The following NCOR2 variants were observed in gnomAD, a reference collection of about 807,000 sequenced individuals.
The protein encoded by NCOR2 is CTG repeat protein 26.
NCOR2 carries 81 observed loss-of-function variants against 262.9 expected under a neutral mutation model. The ratio of observed to expected loss-of-function variants is 0.31; its 90% confidence interval spans 0.26 to 0.37. NCOR2 has a LOEUF of 0.37. Ranked by LOEUF, NCOR2 falls within the 10% of genes least tolerant of loss-of-function variation. The probability of loss-of-function intolerance (pLI) is 1.00; values close to 1 mark genes in which losing one functional copy is unlikely to be tolerated. For missense variants in NCOR2, 3,385 were observed against 3,621.4 expected (o/e 0.93, Z 1.68); for synonymous variants, 1,659 against 1,559.3 (o/e 1.06, Z -1.51).
chr12:124,343,622 C>T (rs1027316566), intron 32 of NCOR2, among the ~76,000 whole-genome samples: 51 of 61,902 alleles, frequency 8.2e-4, no homozygotes, highest in African/African-American at 2.7e-3. Context: ...AGAAAATTTT[C>T]TTTCATTTTT....
chr12:124,330,612 G>A (rs1179326162), intron 44 of NCOR2, among the ~76,000 whole-genome samples: 1 of 152,196 alleles, frequency 6.6e-6, no homozygotes, highest in Non-Finnish European at 1.5e-5. Context: ...ACCACCCGAG[G>A]GGATCTTAAC....
At chr12:124,494,483 G>A (rs1258081445) in intron 1 of NCOR2, among the ~76,000 whole-genome samples, 3 of 152,210 alleles carry the variant, frequency 2.0e-5, no homozygotes, top group East Asian at 1.9e-4. Flanking sequence ...TGGGGCCCCC[G>A]CTGGGAAGTG....
chr12:124,354,311 C>T lies in NCOR2; in HGVS notation c.3590-115G>A, dbSNP rs146816252. On this transcript the variant is annotated intron_variant, in intron 26 of 46. Transcript: ENST00000405201. Reference sequence around the variant, plus strand: ...CCACAAGTTGTGCTAGTTGTTTCAACGCAGAGGGAGTCCCCCTACCCCTAA... The same window carrying T: ...CCACAAGTTGTGCTAGTTGTTTCAATGCAGAGGGAGTCCCCCTACCCCTAA... 134 of 1,238,730 alleles carry T rather than the reference C, an allele frequency of 1.1e-4. No homozygotes were observed. In the East Asian group the frequency reaches 2.9e-3, roughly 27 times the overall value. 76.7% of individuals were successfully genotyped at this position (1,238,730 alleles called of 1,614,324 possible).
chr12:124,379,643 T>A (rs2040270263), intron 17 of NCOR2, among the ~76,000 whole-genome samples: 1 of 152,104 alleles, frequency 6.6e-6, no homozygotes. Context: ...CACCTGGAGG[T>A]GCCCGCAGCT....
At chr12:124,460,807 C>A (rs766170759) in intron 5 of NCOR2, among the ~76,000 whole-genome samples, 1 of 152,262 alleles carries the variant, frequency 6.6e-6, no homozygotes, top group Non-Finnish European at 1.5e-5. Context: ...CTAGAACATT[C>A]CCCAACCCCA....
intron 32 of NCOR2, 58 bp downstream of exon 34, chr12:124,344,539 G>A: frequency 7.3e-7 from 1 of 1,373,878 alleles, no homozygotes; most frequent in Non-Finnish European, 9.6e-7. Flanking sequence ...TGGATGGGGA[G>A]GCACAGCTTC....
Position 124,340,653 on chromosome 12 carries a change from TG to T in NCOR2, c.5286del (p.Thr1763ProfsTer23). ...CGGCTGCTGAAGGGCTGGGGCGCGG[TG>T]GGGAGGTAGGCAAGGCGGTCCATGG... On this transcript the variant is annotated frameshift_variant, in exon 35 of 47. Transcript: ENST00000405201. LOFTEE classifies it high-confidence loss of function. 6.7e-7 allele frequency: 1 copy of T among 1,492,192 alleles called. No homozygotes were observed. 92.4% of individuals were successfully genotyped at this position (1,492,192 alleles called of 1,614,324 possible). A position where few individuals can be genotyped will look rare whatever the true frequency, so the allele number is the denominator to read the frequency against.
chr12:124,343,864 G>A (rs1203109193), intron 32 of NCOR2, among the ~76,000 whole-genome samples: 2 of 152,156 alleles, frequency 1.3e-5, no homozygotes, highest in East Asian at 1.9e-4. Flanking sequence ...CTGACCTCAG[G>A]TGATCTGCCT....
rs866049657 is a variant in NCOR2 at position 124,481,189 on chromosome 12, G to A, written c.411+2407C>T. The stretch of plus-strand genomic sequence containing the variant: ...GGAGGGAGGAAGGTGTAGAAGGAGA[G>A]AAGGAAGGGGAGGAAGGGCAGGAAG... On this transcript the variant is annotated intron_variant, in intron 3 of 46. Transcript: ENST00000405201. This position sits in a 1 kb window ranked among gnomAD's most constrained non-coding sequence, Gnocchi z 4.6. Among the ~76,000 whole-genome samples the A allele has an allele frequency of 1.3e-5, 2 of 151,824 alleles. No individual in the cohort carries two copies. Among genetic ancestry groups the A allele is most frequent in the African/African-American group, 4.8e-5 (2 of 41,322 alleles).
At chr12:124,426,798 G>A in exon 11 of NCOR2, 2 of 1,575,310 alleles carry the variant, frequency 1.3e-6, no homozygotes, top group South Asian at 2.3e-5. Context: ...GCTTCTCCAG[G>A]TTCTGCAGGG....
In NCOR2 at chr12:124,334,479, G is replaced by A. The variant is rs766718171; in HGVS notation, c.6550C>T (p.Pro2184Ser). ...CGGGCCGGGGCACCATGGTCCGGGG[G>A]CGGGAGGTAGAGGTCACTGGGTGGG... Residue 2184 changes from proline to serine, a missense_variant, in exon 41 of 47, where the codon CCC becomes TCC. This residue lies in a region of NCOR2 where 1,017 missense variants were observed against 967.2 expected (regional missense o/e 1.05). Transcript: ENST00000405201. 6.8e-6 allele frequency: 10 copies of A among 1,467,432 alleles called. No individual in the cohort carries two copies. The highest frequency in any genetic ancestry group is 8.1e-6 in the Non-Finnish European group (9 of 1,108,802). The allele number at this position is 1,467,432 out of a possible 1,614,324, so 90.9% of individuals were successfully genotyped here.
chr12:124,387,076 A>C (rs2040859460), intron 16 of NCOR2, among the ~76,000 whole-genome samples: 1 of 152,264 alleles, frequency 6.6e-6, no homozygotes, highest in African/African-American at 2.4e-5. Flanking sequence ...ACTTTAATGA[A>C]GGATTTCCCA....
chr12:124,466,324 A>G (rs1307590762), intron 4 of NCOR2, 38 bp from the exon 7 acceptor site: 2 of 1,580,546 alleles, frequency 1.3e-6, no homozygotes, highest in African/African-American at 1.4e-5. Flanking sequence ...TGAGCACCCC[A>G]GCGGGCGGAA....
At position 124,358,765 on chromosome 12, in the gene NCOR2, G is replaced by A. The variant is rs138612100; in HGVS notation, c.3101-1983C>T. Among the ~76,000 whole-genome samples, 804 of 144,974 alleles carry A rather than the reference G, an allele frequency of 5.5e-3. 8 individuals carry two copies. The highest frequency in any genetic ancestry group is 0.019 in the African/African-American group (731 of 38,670). Reference sequence around the variant, plus strand: ...GCTCAGGCAGGGCTACTTACCAGGCGGAGTGTGCAAAGGGCATTACCGAGA... The same window carrying A: ...GCTCAGGCAGGGCTACTTACCAGGCAGAGTGTGCAAAGGGCATTACCGAGA... On this transcript the variant is annotated intron_variant, in intron 22 of 46. Transcript: ENST00000405201.
chr12:124,561,585 T>G (rs1365980800), intron 1 of NCOR2, among the ~76,000 whole-genome samples: 1 of 151,196 alleles, frequency 6.6e-6, no homozygotes, highest in South Asian at 2.1e-4. Flanking sequence ...GAGTGAGATG[T>G]GGGAAGAGGA....
At chr12:124,562,711 C>T (rs2052111866) in intron 1 of NCOR2, among the ~76,000 whole-genome samples, 1 of 152,212 alleles carries the variant, frequency 6.6e-6, no homozygotes, top group South Asian at 2.1e-4. Context: ...CAAAGGGCAA[C>T]AAGCCGAAGC....
Position 124,549,320 on chromosome 12 carries a change from C to T in NCOR2, c.-164-13709G>A, listed in dbSNP as rs1594056041. 6.6e-6 allele frequency among the ~76,000 whole-genome samples: 1 copy of T among 152,156 alleles called. No homozygotes were observed. The highest frequency in any genetic ancestry group is 2.4e-5 in the African/African-American group (1 of 41,422). On this transcript the variant is annotated intron_variant, in intron 1 of 32. Coordinates refer to the NCOR2 transcript ENST00000458234. This position sits in a 1 kb window ranked among gnomAD's most constrained non-coding sequence, Gnocchi z 4.4. ...GGCTGGAGGATAAAATCCCACACTC[C>T]CCGCTTGGCCGGGTGGCCCACTGCC...
chr12:124,358,101 G>A (rs559913758), intron 22 of NCOR2, among the ~76,000 whole-genome samples: 3,928 of 146,366 alleles, frequency 0.027, 105 homozygotes, highest in Non-Finnish European at 0.041. Flanking sequence ...GTGTGCGCGC[G>A]CGCACGTGCG....
chr12:124,371,898 TA>T, intron 20 of NCOR2, 123 bp downstream of exon 22: 1 of 1,012,116 alleles, frequency 9.9e-7, no homozygotes, highest in Non-Finnish European at 1.4e-6. Flanking sequence ...TCTGCCTCCC[TA>T]ACCACACCTC....
Sources: allele counts gnomAD v4.1 joint callset (sites outside exome capture counted in the v4.1 genomes callset), GRCh38; gene constraint gnomAD v4.1.1; regional missense constraint gnomAD v4.1.1; non-coding constraint Gnocchi (gnomAD v3.1); transcripts MANE v1.5; gene names NCBI Gene and HGNC (gene_info 2026-07-23, HGNC 2026-07-21).